The following ENPP6 variants were observed in gnomAD, a reference collection of about 807,000 sequenced individuals.
ENPP6 encodes the protein ectonucleotide pyrophosphatase/phosphodiesterase 6.
Under a neutral mutation model 42.0 loss-of-function variants are expected in ENPP6, and 32 were observed. The ratio of observed to expected loss-of-function variants is 0.76; its 90% confidence interval spans 0.58 to 1.02. The LOEUF is 1.02. Ranked by LOEUF, ENPP6 falls within the 50% of genes least tolerant of loss-of-function variation. The probability of loss-of-function intolerance (pLI) is 0.00; values close to 1 mark genes in which losing one functional copy is unlikely to be tolerated. For synonymous variants in ENPP6, 213 were observed against 216.0 expected (o/e 0.99, Z 0.12); for missense variants, 552 against 566.8 (o/e 0.97, Z 0.27).
chr4:184,171,812 T>A (rs1358740858), intron 1 of ENPP6, among the ~76,000 whole-genome samples: 1 of 151,912 alleles, frequency 6.6e-6, no homozygotes, highest in Non-Finnish European at 1.5e-5. Flanking sequence ...CCCCAGTGTA[T>A]CCGGCACGAT....
At position 184,124,151 on chromosome 4, in the gene ENPP6, G is replaced by T; in HGVS notation, c.533+10C>A. On this transcript the variant is annotated intron_variant, in intron 3 of 7. Coordinates refer to ENST00000296741, the MANE Select transcript of ENPP6 (RefSeq NM_153343.4). ...AAGAAAATGGTGTGGCTAGAGTTTG[G>T]GACACTTACTTGAAGGAGTCAAGAG... 1 of 1,604,760 alleles carries T rather than the reference G, an allele frequency of 6.2e-7. No individual in the cohort carries two copies. Among genetic ancestry groups the T allele is most frequent in the South Asian group, 1.1e-5 (1 of 90,802 alleles).
chr4:184,173,054 T>A (rs1737495756), intron 1 of ENPP6, among the ~76,000 whole-genome samples: 1 of 151,980 alleles, frequency 6.6e-6, no homozygotes, highest in South Asian at 2.1e-4. Flanking sequence ...CAGGCGCCCG[T>A]CACCATGCCC....
chr4:184,099,537 C>CCCGGGCAGTATGCAG (rs1553994258), intron 6 of ENPP6, among the ~76,000 whole-genome samples: 1 of 152,188 alleles, frequency 6.6e-6, no homozygotes, highest in Non-Finnish European at 1.5e-5. Context: ...GGGCCAGGTG[C>CCCGGGCAGTATGCAG]CCGGGCAGTA....
chr4:184,113,967 C>CTT (rs1736272625), intron 5 of ENPP6, among the ~76,000 whole-genome samples: 1 of 130,634 alleles, frequency 7.7e-6, no homozygotes, highest in Non-Finnish European at 1.7e-5. Context: ...TTCTTTCTCT[C>CTT]TTTCTTTCTT....
chr4:184,162,509 A>G (rs1370366402), intron 1 of ENPP6, among the ~76,000 whole-genome samples: 1 of 146,356 alleles, frequency 6.8e-6, no homozygotes, highest in African/African-American at 2.7e-5. Flanking sequence ...TTTTGAAAGA[A>G]GGAAAGAAGG....
chr4:184,153,898 G>A (rs1737107404), intron 1 of ENPP6, among the ~76,000 whole-genome samples, 165 bp from the exon 2 acceptor site: 1 of 151,514 alleles, frequency 6.6e-6, no homozygotes, highest in African/African-American at 2.4e-5. Flanking sequence ...TTCTTAAGCT[G>A]TGCCATGAAG....
At chr4:184,208,679 G>A (rs1447812885) in intron 1 of ENPP6, among the ~76,000 whole-genome samples, 8 of 149,216 alleles carry the variant, frequency 5.4e-5, no homozygotes, top group African/African-American at 1.3e-4. Flanking sequence ...GCCCGCCATT[G>A]CCCAGGCTTG....
chr4:184,203,511 C>T (rs1184416982), intron 1 of ENPP6, among the ~76,000 whole-genome samples: 1 of 151,984 alleles, frequency 6.6e-6, no homozygotes, highest in African/African-American at 2.4e-5. Context: ...TAAGGTGGGC[C>T]CTAATTCAAT....
intron 6 of ENPP6, 100 bp from the exon 7 acceptor site, chr4:184,097,468 C>T (rs1273859534): frequency 6.5e-7 from 1 of 1,533,790 alleles, no homozygotes; most frequent in Non-Finnish European, 8.8e-7. Flanking sequence ...CGCTTTCCTC[C>T]TCTGCGCTCC....
chr4:184,170,698 G>A (rs1306567034), intron 1 of ENPP6, among the ~76,000 whole-genome samples: 1 of 152,188 alleles, frequency 6.6e-6, no homozygotes, highest in Non-Finnish European at 1.5e-5. Flanking sequence ...ACAGGTCTTA[G>A]ATTCAGGTTC....
intron 1 of ENPP6, among the ~76,000 whole-genome samples, chr4:184,177,224 C>T (rs573578309): frequency 7.9e-5 from 12 of 152,322 alleles, no homozygotes; most frequent in South Asian, 2.1e-4. Flanking sequence ...CTCCCCACAG[C>T]GCAGCACAGT....
Position 184,112,706 on chromosome 4 carries a change from GT to G in ENPP6, c.958del (p.Thr320LeufsTer2). 1 of 1,614,132 alleles carries G rather than the reference GT, an allele frequency of 6.2e-7. No homozygotes were observed. The highest frequency in any genetic ancestry group is 8.5e-7 in the Non-Finnish European group (1 of 1,180,026). On this transcript the variant is annotated frameshift_variant, in exon 6 of 8. Transcript: ENST00000296741. LOFTEE classifies it high-confidence loss of function. ...YKKGKFVSPLTLVADEGWFIT... is the reference protein window; with the variant it reads ...YKKGKFVSPLXLVADEGWFIT... ...GAACCAGCCTTCATCAGCCACTAAA[GT>G]CAAAGGAGAGACAAACTTTCCTTTC...
At position 184,124,210 on chromosome 4, in the gene ENPP6, T is replaced by C. The variant is rs1736464559; in HGVS notation, c.484A>G (p.Thr162Ala). 1.2e-6 allele frequency: 2 copies of C among 1,614,102 alleles called. No homozygotes were observed. The highest frequency in any genetic ancestry group is 1.6e-4 in the Middle Eastern group (1 of 6,062). ...ACTGCATTGGCAAAATTGATATCCGTTGGGACATTTTTATATTCTAGGCAG... is the reference window on the plus strand; with the variant it reads ...ACTGCATTGGCAAAATTGATATCCGCTGGGACATTTTTATATTCTAGGCAG... ...TYCLEYKNVP[T>A]DINFANAVSD... is the part of the protein sequence containing the mutation. Residue 162 changes from threonine to alanine, a missense_variant, in exon 3 of 8, where the codon ACG becomes GCG. Transcript: ENST00000296741.
chr4:184,117,935 A>C, intron 3 of ENPP6, 35 bp from the exon 4 acceptor site: 1 of 1,605,518 alleles, frequency 6.2e-7, no homozygotes, highest in Non-Finnish European at 8.5e-7. Context: ...TAGGTGAGGG[A>C]GGCCCCCGCC....
intron 1 of ENPP6, among the ~76,000 whole-genome samples, chr4:184,168,797 G>A (rs543281957): frequency 1.3e-5 from 2 of 152,330 alleles, no homozygotes; most frequent in Admixed American, 1.3e-4. Flanking sequence ...GGCAGGGCCG[G>A]CGGGCAGGCG....
chr4:184,158,210 A>G (rs1044182281), intron 1 of ENPP6, among the ~76,000 whole-genome samples: 1 of 152,232 alleles, frequency 6.6e-6, no homozygotes, highest in Non-Finnish European at 1.5e-5. Flanking sequence ...GCATAGGTTC[A>G]AGTATAAACT....
intron 6 of ENPP6, among the ~76,000 whole-genome samples, chr4:184,104,102 C>T (rs1736049836): frequency 6.6e-6 from 1 of 151,962 alleles, no homozygotes; most frequent in South Asian, 2.1e-4. Context: ...CCACAGATGG[C>T]CCTGGTCACC....
intron 1 of ENPP6, among the ~76,000 whole-genome samples, chr4:184,174,731 T>C (rs1484634966): frequency 6.6e-6 from 1 of 152,272 alleles, no homozygotes; most frequent in African/African-American, 2.4e-5. Flanking sequence ...GTCTGTGTAC[T>C]TGAGTTTGAT....
intron 1 of ENPP6, among the ~76,000 whole-genome samples, chr4:184,167,297 G>A (rs1472749363): frequency 1.3e-5 from 2 of 152,128 alleles, no homozygotes; most frequent in African/African-American, 2.4e-5. Flanking sequence ...TGTAGTTTTA[G>A]TAGAGACAGC....
Sources: gnomAD v4.1 joint callset for allele counts (sites outside exome capture counted in the v4.1 genomes callset) on GRCh38, gnomAD v4.1.1 for gene constraint, MANE v1.5 for transcripts, NCBI Gene and HGNC (gene_info 2026-07-23, HGNC 2026-07-21) for gene names.